SLK: variants seen among roughly 807,000 people sequenced by gnomAD.
SLK encodes the protein STE20 like kinase, also known as STE20-like serine/threonine-protein kinase.
In SLK, 67 loss-of-function variants were observed where a neutral mutation model predicts 147.7. The ratio of observed to expected loss-of-function variants is 0.45; its 90% CI spans 0.37 to 0.56. The LOEUF (loss-of-function observed/expected upper bound fraction) is 0.56. SLK is among the 20% of genes least tolerant of loss of function. The pLI is 0.00. For missense variants in SLK, 1,136 were observed against 1,438.8 expected, an observed-to-expected ratio of 0.79 and a Z score of 3.41; for synonymous variants, 441 against 475.0, an observed-to-expected ratio of 0.93 and a Z score of 0.93.
chr10:103,988,486 A>G (rs539831106), intron 1 of SLK, among the ~76,000 whole-genome samples: 2 of 152,106 alleles, frequency 1.3e-5, no homozygotes, highest in Non-Finnish European at 2.9e-5. Context: ...AAAATTTGCA[A>G]CCTCTAGCAT....
chr10:104,010,218 T>C (rs143788877), intron 12 of SLK, among the ~76,000 whole-genome samples: 1 of 152,338 alleles, frequency 6.6e-6, no homozygotes, highest in East Asian at 1.9e-4. Context: ...TTCAAGATCA[T>C]CAGATACATT....
chr10:103,974,997 C>T (rs1039818235), intron 1 of SLK, among the ~76,000 whole-genome samples: 1 of 151,422 alleles, frequency 6.6e-6, no homozygotes, highest in Non-Finnish European at 1.5e-5. Flanking sequence ...TCACCATACT[C>T]TTGATTTTCC....
chr10:104,025,539 G>A (rs1844586324), intron 18 of SLK, 35 bp from the exon 19 acceptor site: 2 of 1,603,642 alleles, frequency 1.2e-6, no homozygotes, highest in Non-Finnish European at 1.7e-6. Flanking sequence ...TATAATACCA[G>A]CACATAGCAA....
intron 11 of SLK, among the ~76,000 whole-genome samples, chr10:104,007,740 A>G (rs1438291459): frequency 6.6e-6 from 1 of 151,210 alleles, no homozygotes; most frequent in African/African-American, 2.4e-5. Flanking sequence ...AGACCAGCCT[A>G]GGCAACATAG....
chr10:103,967,743 A>C lies in SLK; in HGVS notation c.-3A>C. ...TGCAAGGAACTCTGTGTTGGGAGGA[A>C]AAATGTCCTTCTTCAATTTCCGTAA... On this transcript the variant is annotated 5_prime_UTR_variant, in exon 1 of 19. Transcript: ENST00000369755. 6.2e-7 allele frequency: 1 copy of C among 1,613,870 alleles called. No homozygotes were observed. The highest frequency in any genetic ancestry group is 8.5e-7 in the Non-Finnish European group (1 of 1,179,812).
chr10:103,981,113 A>C (rs1843935722), intron 1 of SLK, among the ~76,000 whole-genome samples: 1 of 152,028 alleles, frequency 6.6e-6, no homozygotes, highest in Non-Finnish European at 1.5e-5. Context: ...CTTATTGGCC[A>C]TTTGTATATC....
rs548292458 is a variant in SLK, at chr10:104,013,411, G to A, written c.2877+2503G>A. ...ATTTTTGGGGGTGAATTTTAAAAAA[G>A]GGGGTTCTACTAGCTTAAAAAACAA... On this transcript the variant is annotated intron_variant, in intron 13 of 18. Coordinates refer to ENST00000369755, the MANE Select transcript of SLK (RefSeq NM_014720.4). Among the ~76,000 whole-genome samples the A allele has an allele frequency of 3.3e-5, 5 of 152,278 alleles. No homozygotes were observed. The South Asian group carries it at 8.3e-4, about 25-fold the overall frequency.
chr10:104,007,792 T>C lies in SLK; in HGVS notation c.2605-385T>C, dbSNP rs893000587. ...CCAAATAAATAAATAAATAAATAAA[T>C]AAATAAAAAGATAAGTTGGTCATGG... On this transcript the variant is annotated intron_variant, in intron 11 of 18. Coordinates refer to ENST00000369755, the MANE Select transcript of SLK (RefSeq NM_014720.4). Among the ~76,000 whole-genome samples the C allele has an allele frequency of 2.0e-5, 3 of 151,098 alleles. No individual in the cohort carries two copies. In the Admixed American group the frequency reaches 2.0e-4, roughly 10 times the overall value.
intron 1 of SLK, among the ~76,000 whole-genome samples, chr10:103,986,677 T>TG (rs1222955070): frequency 7.1e-6 from 1 of 140,780 alleles, no homozygotes; most frequent in African/African-American, 2.6e-5. Flanking sequence ...AGTTTTTTTT[T>TG]TTTTTTTTTT....
chr10:104,020,589 T>C lies in SLK; in HGVS notation c.3423T>C (p.Asn1141=). ...ATCTTCAGTTGCAGTGTGAAGCCAATGTCCGCGAACTGCATCAGCTGCAGG... is the reference window on the plus strand; with the variant it reads ...ATCTTCAGTTGCAGTGTGAAGCCAACGTCCGCGAACTGCATCAGCTGCAGG... The part of the protein sequence containing the change: ...MRDLQLQCEA[N]VRELHQLQNE... Residue 1141 remains asparagine, a synonymous_variant, in exon 17 of 19, where the codon AAT becomes AAC. Transcript: ENST00000369755. 6.2e-7 allele frequency: 1 copy of C among 1,613,812 alleles called. No homozygotes were observed.
intron 13 of SLK, among the ~76,000 whole-genome samples, chr10:104,017,279 A>G (rs1027348539): frequency 2.6e-5 from 4 of 152,208 alleles, no homozygotes; most frequent in African/African-American, 9.6e-5. Flanking sequence ...TCCTATCTCC[A>G]GTTTGCATTT....
chr10:104,019,987 T>A, intron 16 of SLK, 65 bp downstream of exon 16: 1 of 1,282,582 alleles, frequency 7.8e-7, no homozygotes, highest in Non-Finnish European at 1.1e-6. Flanking sequence ...TTAGAAGTTC[T>A]ACAAAATTCC....
At chr10:103,991,875 T>C (rs1430376527) in intron 2 of SLK, among the ~76,000 whole-genome samples, 1 of 152,004 alleles carries the variant, frequency 6.6e-6, no homozygotes, top group Non-Finnish European at 1.5e-5. Flanking sequence ...ATAATGCAAA[T>C]GAACCCATAG....
chr10:104,002,555 A>G lies in SLK; in HGVS notation c.1377A>G (p.Leu459=). 1 of 1,607,178 alleles carries G rather than the reference A, an allele frequency of 6.2e-7. No homozygotes were observed. Among genetic ancestry groups the G allele is most frequent in the Non-Finnish European group, 8.5e-7 (1 of 1,176,738 alleles). ...AAGAGAATAATATAATGATAACCTTAGAAACAAATATTGAACATAATCTAA... is the reference window on the plus strand; with the variant it reads ...AAGAGAATAATATAATGATAACCTTGGAAACAAATATTGAACATAATCTAA... ...EGKENNIMIT[L]ETNIEHNLKS... The change falls in exon 9 of 19, where the codon TTA becomes TTG. Residue 459 remains leucine, a synonymous_variant. Transcript: ENST00000369755.
chr10:103,971,314 G>T (rs147656872), intron 1 of SLK, among the ~76,000 whole-genome samples: 1 of 151,874 alleles, frequency 6.6e-6, no homozygotes. Flanking sequence ...CCTCTCTGTC[G>T]CCCAGGCTGC....
At position 104,026,841 on chromosome 10, in the gene SLK, C is replaced by A. The variant is rs1406651234; in HGVS notation, c.*1121C>A. 6.6e-6 allele frequency: 1 copy of A among 152,024 alleles called. No homozygotes were observed. The highest frequency in any genetic ancestry group is 6.6e-5 in the Admixed American group (1 of 15,260). The allele number at this position is 152,024 out of a possible 1,614,324, so 9.4% of individuals were successfully genotyped here. On this transcript the variant is annotated 3_prime_UTR_variant, in exon 19 of 19. Coordinates refer to ENST00000369755, the MANE Select transcript of SLK (RefSeq NM_014720.4). ...ACTTATGTCTTGGTTTTATTTTGTTCCATGTTTAAATCATTCACTTTGATT... is the reference window on the plus strand; with the variant it reads ...ACTTATGTCTTGGTTTTATTTTGTTACATGTTTAAATCATTCACTTTGATT...
chr10:104,004,184 G>A (rs1043586218), intron 9 of SLK, among the ~76,000 whole-genome samples: 1 of 152,156 alleles, frequency 6.6e-6, no homozygotes, highest in East Asian at 1.9e-4. Flanking sequence ...AGTAGCAGAA[G>A]AGAAGACAGA....
intron 13 of SLK, among the ~76,000 whole-genome samples, chr10:104,017,582 C>T (rs566708590): frequency 1.3e-5 from 2 of 152,312 alleles, no homozygotes; most frequent in South Asian, 2.1e-4. Context: ...TAGATTCAAG[C>T]AATTCTCCTG....
chr10:103,982,162 T>G (rs930321121), intron 1 of SLK, among the ~76,000 whole-genome samples: 7 of 152,234 alleles, frequency 4.6e-5, no homozygotes, highest in African/African-American at 1.7e-4. Flanking sequence ...GTACATTTTT[T>G]GTCTTATTTT....
Sources: allele counts gnomAD v4.1 joint callset (sites outside exome capture counted in the v4.1 genomes callset), GRCh38; gene constraint gnomAD v4.1.1; transcripts MANE v1.5; gene names NCBI Gene and HGNC (gene_info 2026-07-23, HGNC 2026-07-21).